The following ZSWIM6 variants were observed in gnomAD, a reference collection of about 807,000 sequenced individuals.
The protein encoded by ZSWIM6 is zinc finger SWIM-type containing 6, also known as zinc finger SWIM domain-containing protein 6.
Under a neutral mutation model 113.2 loss-of-function variants are expected in ZSWIM6, and 9 were observed. The ratio of observed to expected loss-of-function variants is 0.08; its 90% confidence interval spans 0.05 to 0.14. The LOEUF (loss-of-function observed/expected upper bound fraction) is 0.14, where lower values mean the gene tolerates loss of function less well. Among genes scored for constraint, ZSWIM6 ranks in the 10% least tolerant of loss-of-function variants. The pLI, the probability that ZSWIM6 is intolerant of heterozygous loss-of-function variation, is 1.00. For synonymous variants in ZSWIM6, 611 were observed against 606.5 expected, an observed-to-expected ratio of 1.01 and a Z score of -0.11; for missense variants, 1,162 against 1,552.2, an observed-to-expected ratio of 0.75 and a Z score of 4.22.
At chr5:61,333,881 G>T (rs565051702) in intron 1 of ZSWIM6, among the ~76,000 whole-genome samples, 1 of 152,108 alleles carries the variant, frequency 6.6e-6, no homozygotes, top group Admixed American at 6.5e-5. Flanking sequence ...CGGCAGTTGC[G>T]GATTTGCCGC....
At position 61,391,810 on chromosome 5, in the gene ZSWIM6, C is replaced by T. The variant is rs1253532910; in HGVS notation, c.676+58862C>T. ...CACCTTCCCATGATGCTTCCTGCTG[C>T]GCTGCTGAGGCAGGAAGCCGAGGGA... On this transcript the variant is annotated intron_variant, in intron 1 of 13. Coordinates refer to ENST00000252744, the MANE Select transcript of ZSWIM6 (RefSeq NM_020928.2). The T allele has an allele frequency of 4.3e-5, 36 of 846,452 alleles. No homozygotes were observed. In the East Asian group the frequency reaches 5.9e-4, roughly 14 times the overall value. The allele number at this position is 846,452 out of a possible 1,614,324, so 52.4% of individuals were successfully genotyped here.
At chr5:61,409,035 T>C (rs569827625) in intron 1 of ZSWIM6, among the ~76,000 whole-genome samples, 4 of 151,506 alleles carry the variant, frequency 2.6e-5, no homozygotes, top group Non-Finnish European at 5.9e-5. Context: ...GACTTCTAAA[T>C]TATGATTATA....
chr5:61,342,069 G>T (rs1038389106), intron 1 of ZSWIM6, among the ~76,000 whole-genome samples: 8 of 151,750 alleles, frequency 5.3e-5, no homozygotes, highest in African/African-American at 1.9e-4. Context: ...TAGTAGGGTT[G>T]GGGTTTCACC....
chr5:61,502,548 ATTATAAAT>A (rs1748500776), intron 4 of ZSWIM6, among the ~76,000 whole-genome samples: 1 of 152,196 alleles, frequency 6.6e-6, no homozygotes, highest in African/African-American at 2.4e-5. Flanking sequence ...GGATTCCGAT[ATTATAAAT>A]GCATGCTTGA....
intron 1 of ZSWIM6, among the ~76,000 whole-genome samples, chr5:61,341,912 CT>C (rs1447270697): frequency 7.3e-6 from 1 of 137,596 alleles, no homozygotes; most frequent in Non-Finnish European, 1.5e-5. Context: ...TGGGGTCTCC[CT>C]TTGTTGCCCA....
chr5:61,436,000 A>G (rs1244656075), intron 1 of ZSWIM6, among the ~76,000 whole-genome samples: 2 of 152,134 alleles, frequency 1.3e-5, no homozygotes, highest in African/African-American at 4.8e-5. Flanking sequence ...TCGGGAGTTC[A>G]AGACCAGCCT....
At chr5:61,488,842 T>C (rs1484511540) in intron 2 of ZSWIM6, among the ~76,000 whole-genome samples, 1 of 152,010 alleles carries the variant, frequency 6.6e-6, no homozygotes, top group Non-Finnish European at 1.5e-5. Flanking sequence ...ATGGAGAGTC[T>C]CCACATTCAT....
At chr5:61,508,458 C>G (rs1478317563) in intron 4 of ZSWIM6, among the ~76,000 whole-genome samples, 1 of 152,140 alleles carries the variant, frequency 6.6e-6, no homozygotes. Flanking sequence ...ACTTACAGCT[C>G]TTCTCATATG....
In ZSWIM6 at chr5:61,487,081, T is replaced by C. The variant is rs180770159; in HGVS notation, c.1034-3705T>C. 1.5e-3 allele frequency among the ~76,000 whole-genome samples: 220 copies of C among 151,556 alleles called. 1 individual carries two copies. Among genetic ancestry groups the C allele is most frequent in the Non-Finnish European group, 1.4e-3 (95 of 67,498 alleles). Reference sequence around the variant, plus strand: ...AGGTCTTACATTTTATGATGAGACGTAGGAGTCCAGTTTTGGTCTTCTGCA... The same window carrying C: ...AGGTCTTACATTTTATGATGAGACGCAGGAGTCCAGTTTTGGTCTTCTGCA... On this transcript the variant is annotated intron_variant, in intron 2 of 13. Transcript: ENST00000252744.
chr5:61,483,846 C>T (rs924728373), intron 2 of ZSWIM6, among the ~76,000 whole-genome samples: 1 of 151,342 alleles, frequency 6.6e-6, no homozygotes, highest in Non-Finnish European at 1.5e-5. Flanking sequence ...CACTGCACTC[C>T]AGCCTGGGCA....
intron 1 of ZSWIM6, among the ~76,000 whole-genome samples, chr5:61,462,354 G>A (rs140689720): frequency 2.2e-3 from 330 of 152,260 alleles, no homozygotes; most frequent in African/African-American, 7.6e-3. Context: ...TCTTCAAAGG[G>A]AAGAGTGAAA....
chr5:61,533,181 C>T (rs887541327), intron 9 of ZSWIM6, among the ~76,000 whole-genome samples: 24 of 152,228 alleles, frequency 1.6e-4, no homozygotes, highest in South Asian at 2.1e-4. Context: ...TTCTCCTTTC[C>T]TGGCCCTGCA....
chr5:61,420,336 A>G (rs1746330104), intron 1 of ZSWIM6, among the ~76,000 whole-genome samples: 2 of 152,260 alleles, frequency 1.3e-5, no homozygotes, highest in African/African-American at 2.4e-5. Context: ...TTTTTACTAT[A>G]TATCTGAAAG....
chr5:61,497,441 G>A (rs1185502955), intron 4 of ZSWIM6, among the ~76,000 whole-genome samples: 2 of 152,084 alleles, frequency 1.3e-5, no homozygotes, highest in African/African-American at 4.8e-5. Context: ...TTCCCCCCAT[G>A]CTCCAGCTAA....
intron 12 of ZSWIM6, among the ~76,000 whole-genome samples, chr5:61,540,778 T>C (rs1749706520): frequency 1.3e-5 from 2 of 152,256 alleles, no homozygotes; most frequent in East Asian, 3.9e-4. Context: ...AAATAGGATA[T>C]GCACGAGAGC....
chr5:61,483,373 A>G (rs962241287), intron 2 of ZSWIM6, among the ~76,000 whole-genome samples: 1 of 152,180 alleles, frequency 6.6e-6, no homozygotes, highest in African/African-American at 2.4e-5. Flanking sequence ...ACCTTTCAAT[A>G]CTGCCACAAT....
intron 1 of ZSWIM6, among the ~76,000 whole-genome samples, chr5:61,380,497 C>T (rs1745452165): frequency 6.6e-6 from 1 of 152,180 alleles, no homozygotes; most frequent in African/African-American, 2.4e-5. Flanking sequence ...AGTATCCACT[C>T]ATAGTTTTTA....
At chr5:61,423,322 C>T (rs1196757704) in intron 1 of ZSWIM6, among the ~76,000 whole-genome samples, 5 of 151,838 alleles carry the variant, frequency 3.3e-5, no homozygotes, top group Middle Eastern at 6.8e-3. Flanking sequence ...GCAGGAGAAT[C>T]GCTTGAACCT....
intron 1 of ZSWIM6, among the ~76,000 whole-genome samples, chr5:61,334,123 A>G (rs1422296377): frequency 6.6e-6 from 1 of 152,212 alleles, no homozygotes; most frequent in African/African-American, 2.4e-5. Flanking sequence ...AAGGCGAGAG[A>G]AGGACTTGTG....
Sources: gnomAD v4.1 joint callset for allele counts (sites outside exome capture counted in the v4.1 genomes callset) on GRCh38, gnomAD v4.1.1 for gene constraint, MANE v1.5 for transcripts, NCBI Gene and HGNC (gene_info 2026-07-23, HGNC 2026-07-21) for gene names.